The following PTPRG variants were observed in gnomAD, a reference collection of about 807,000 sequenced individuals.
PTPRG encodes protein tyrosine phosphatase receptor type G.
In PTPRG, 102 loss-of-function variants were observed where a neutral mutation model predicts 165.3. The observed-to-expected ratio is 0.62, with a 90% CI of 0.53 to 0.73. The LOEUF (loss-of-function observed/expected upper bound fraction) is 0.73, where lower values mean the gene tolerates loss of function less well. Ranked by LOEUF, PTPRG falls within the 30% of genes least tolerant of loss-of-function variation. The pLI is 0.00. For missense variants in PTPRG, 1,866 were observed against 1,861.4 expected (o/e 1.00, Z -0.05); for synonymous variants, 675 against 669.5 (o/e 1.01, Z -0.13).
At chr3:61,970,434 TA>T (rs1395113815) in intron 2 of PTPRG, among the ~76,000 whole-genome samples, 4 of 152,354 alleles carry the variant, frequency 2.6e-5, no homozygotes, top group African/African-American at 9.6e-5. Context: ...AAATTTGGTG[TA>T]AATGTTTGCT....
At chr3:61,825,624 A>G (rs1158734051) in intron 2 of PTPRG, among the ~76,000 whole-genome samples, 2 of 151,268 alleles carry the variant, frequency 1.3e-5, no homozygotes, top group Admixed American at 6.6e-5. Context: ...TCTTAGTTCT[A>G]CCACTTGGCT....
At chr3:61,974,442 A>C (rs1167863500) in intron 2 of PTPRG, among the ~76,000 whole-genome samples, 1 of 152,046 alleles carries the variant, frequency 6.6e-6, no homozygotes, top group African/African-American at 2.4e-5. Flanking sequence ...AATCCCAGCT[A>C]CTCGGGAGGC....
At chr3:62,013,964 G>C (rs1238981583) in intron 4 of PTPRG, among the ~76,000 whole-genome samples, 1 of 152,142 alleles carries the variant, frequency 6.6e-6, no homozygotes, top group African/African-American at 2.4e-5. Flanking sequence ...CGCCAGATCA[G>C]ATGTATTGTA....
intron 5 of PTPRG, among the ~76,000 whole-genome samples, chr3:62,099,431 T>C (rs1702215434): frequency 1.3e-5 from 2 of 152,226 alleles, no homozygotes; most frequent in Admixed American, 1.3e-4. Flanking sequence ...GATTCCACTC[T>C]TATGATAGTG....
At chr3:61,729,966 C>T (rs1189921771) in intron 1 of PTPRG, among the ~76,000 whole-genome samples, 1 of 152,152 alleles carries the variant, frequency 6.6e-6, no homozygotes, top group Admixed American at 6.5e-5. Flanking sequence ...AGTTTCATGG[C>T]TCCCAAGATT....
chr3:62,134,049 C>G (rs1361863901), intron 6 of PTPRG, among the ~76,000 whole-genome samples: 3 of 152,078 alleles, frequency 2.0e-5, no homozygotes, highest in African/African-American at 7.2e-5. Flanking sequence ...GGTACTAGCC[C>G]CATTCTTCAG....
intron 8 of PTPRG, among the ~76,000 whole-genome samples, chr3:62,188,253 T>C (rs964162489): frequency 6.6e-6 from 1 of 152,184 alleles, no homozygotes; most frequent in African/African-American, 2.4e-5. Context: ...TATGCACCTG[T>C]AGTCCTAGCT....
At chr3:62,035,562 A>G (rs1699913113) in intron 4 of PTPRG, among the ~76,000 whole-genome samples, 1 of 152,230 alleles carries the variant, frequency 6.6e-6, no homozygotes. Flanking sequence ...CTCAGTCCCT[A>G]GCCCTGTCTC....
At chr3:61,984,675 T>C (rs2107684360) in intron 2 of PTPRG, among the ~76,000 whole-genome samples, 1 of 152,310 alleles carries the variant, frequency 6.6e-6, no homozygotes, top group African/African-American at 2.4e-5. Context: ...CCAACATGGG[T>C]GTGTTTACTA....
intron 3 of PTPRG, among the ~76,000 whole-genome samples, chr3:61,996,009 G>A: frequency 6.6e-6 from 1 of 151,910 alleles, no homozygotes; most frequent in South Asian, 2.1e-4. Flanking sequence ...CTCTCTGCCT[G>A]ATTCTGCCTG....
At chr3:61,991,408 G>A (rs1325586451) in intron 3 of PTPRG, among the ~76,000 whole-genome samples, 1 of 152,112 alleles carries the variant, frequency 6.6e-6, no homozygotes, top group Non-Finnish European at 1.5e-5. Flanking sequence ...ATTTTGCCAT[G>A]TTGGCCTGAC....
intron 1 of PTPRG, among the ~76,000 whole-genome samples, chr3:61,685,438 T>C (rs145562492): frequency 1.3e-5 from 2 of 152,154 alleles, no homozygotes; most frequent in African/African-American, 2.4e-5. Flanking sequence ...AAGGAATTCA[T>C]TGGGGGTTAG....
intron 1 of PTPRG, among the ~76,000 whole-genome samples, chr3:61,633,434 G>A (rs2106934213): frequency 6.6e-6 from 1 of 152,302 alleles, no homozygotes; most frequent in Non-Finnish European, 1.5e-5. Flanking sequence ...TGGAAATTTG[G>A]AATGTATTTG....
At chr3:61,615,167 G>T (rs1031155368) in intron 1 of PTPRG, among the ~76,000 whole-genome samples, 3 of 152,192 alleles carry the variant, frequency 2.0e-5, no homozygotes, top group Non-Finnish European at 4.4e-5. Flanking sequence ...TCAGTATTGT[G>T]AAATTAACTT....
chr3:62,144,566 T>A (rs1033791826), intron 6 of PTPRG, among the ~76,000 whole-genome samples: 1 of 152,196 alleles, frequency 6.6e-6, no homozygotes, highest in Admixed American at 6.5e-5. Context: ...ACATGGAACT[T>A]TCCTGAAATG....
At chr3:62,189,847 G>A (rs567699276) in intron 8 of PTPRG, among the ~76,000 whole-genome samples, 2 of 152,216 alleles carry the variant, frequency 1.3e-5, no homozygotes, top group East Asian at 1.9e-4. Flanking sequence ...TTCAAATCTG[G>A]CCCCAAGGCT....
intron 1 of PTPRG, among the ~76,000 whole-genome samples, chr3:61,569,373 C>T (rs1308839216): frequency 6.6e-6 from 1 of 152,110 alleles, no homozygotes; most frequent in Non-Finnish European, 1.5e-5. Flanking sequence ...GTGATAGAAG[C>T]CTAACTCCTA....
chr3:62,024,633 A>G (rs2041767410), intron 4 of PTPRG, among the ~76,000 whole-genome samples: 1 of 152,124 alleles, frequency 6.6e-6, no homozygotes, highest in African/African-American at 2.4e-5. Flanking sequence ...TCTGTAGAAT[A>G]TTTTTGGCCA....
At chr3:61,914,263 C>T (rs775250316) in intron 2 of PTPRG, among the ~76,000 whole-genome samples, 11 of 152,144 alleles carry the variant, frequency 7.2e-5, no homozygotes, top group South Asian at 4.1e-4. Flanking sequence ...TTTTGTGATT[C>T]CATGTGGGGT....
Sources: allele counts gnomAD v4.1 joint callset (sites outside exome capture counted in the v4.1 genomes callset), GRCh38; gene constraint gnomAD v4.1.1; transcripts MANE v1.5; gene names NCBI Gene and HGNC (gene_info 2026-07-23, HGNC 2026-07-21).